The following PIGK variants were observed in gnomAD, a reference collection of about 807,000 sequenced individuals.
PIGK encodes GPI-anchor transamidase.
A neutral mutation model predicts 50.6 loss-of-function variants in PIGK; 42 were observed. That is an observed-to-expected ratio of 0.83 (90% confidence interval 0.65 to 1.07). The LOEUF is 1.07. Ranked by LOEUF, PIGK falls within the 50% of genes least tolerant of loss-of-function variation. The probability of loss-of-function intolerance (pLI) is 0.00; values close to 1 mark genes in which losing one functional copy is unlikely to be tolerated. For missense variants in PIGK, 448 were observed against 488.7 expected (o/e 0.92, Z 0.78); for synonymous variants, 151 against 156.0 (o/e 0.97, Z 0.24).
At chr1:77,210,367 T>G in intron 2 of PIGK, 69 bp downstream of exon 2, 2 of 865,384 alleles carry the variant, frequency 2.3e-6, no homozygotes, top group Non-Finnish European at 3.5e-6. Context: ...TTCAAAAATT[T>G]GATTCACACA....
chr1:77,144,117 T>G (rs1654714731), intron 9 of PIGK, among the ~76,000 whole-genome samples: 1 of 152,044 alleles, frequency 6.6e-6, no homozygotes. Context: ...AGCTTATTGA[T>G]TCCAATGACT....
At position 77,129,020 on chromosome 1, in the gene PIGK, T is replaced by G. The variant is rs1654293589; in HGVS notation, c.987-6661A>C. 1.1e-5 allele frequency: 8 copies of G among 735,554 alleles called. No homozygotes were observed. The South Asian group carries it at 1.2e-4, about 11-fold the overall frequency. 45.6% of individuals were successfully genotyped at this position (735,554 alleles called of 1,614,324 possible). ...TGCACTATAACAGCAGAGCTGCATA[T>G]TTACAACTGAGACCATATGGCCTAT... On this transcript the variant is annotated intron_variant, in intron 9 of 10. Transcript: ENST00000370812.
At chr1:77,161,524 C>A in intron 7 of PIGK, 70 bp downstream of exon 7, 1 of 953,528 alleles carries the variant, frequency 1.0e-6, no homozygotes, top group Non-Finnish European at 1.7e-6. Flanking sequence ...ATTCATAAAG[C>A]ATTTAATTGG....
At chr1:77,112,416 T>C (rs12093471) in intron 10 of PIGK, among the ~76,000 whole-genome samples, 100,237 of 151,630 alleles carry the variant, frequency 0.66, 33,828 homozygotes, top group African/African-American at 0.81. Flanking sequence ...GTTTCTGTAT[T>C]TATATGAGAA....
intron 10 of PIGK, among the ~76,000 whole-genome samples, chr1:77,092,931 A>G (rs905817602): frequency 5.9e-5 from 9 of 152,090 alleles, no homozygotes; most frequent in African/African-American, 2.2e-4. Context: ...AGGCATTCAT[A>G]TATCATAGTG....
At chr1:77,178,072 A>AG (rs1228408671) in intron 3 of PIGK, among the ~76,000 whole-genome samples, 1 of 152,212 alleles carries the variant, frequency 6.6e-6, no homozygotes, top group Non-Finnish European at 1.5e-5. Context: ...AGAAATAAAA[A>AG]GGGGGTCTCT....
At chr1:77,148,489 T>G (rs1408740257) in intron 9 of PIGK, among the ~76,000 whole-genome samples, 1 of 152,196 alleles carries the variant, frequency 6.6e-6, no homozygotes, top group Non-Finnish European at 1.5e-5. Flanking sequence ...TGACAATTTT[T>G]GCTACTGTGC....
intron 3 of PIGK, among the ~76,000 whole-genome samples, chr1:77,205,555 A>G (rs1252645332): frequency 2.0e-5 from 3 of 152,080 alleles, no homozygotes; most frequent in African/African-American, 7.2e-5. Flanking sequence ...TTTTACTGGA[A>G]GTACTTGAAT....
chr1:77,138,946 A>G (rs983156926), intron 9 of PIGK, among the ~76,000 whole-genome samples: 1 of 151,664 alleles, frequency 6.6e-6, no homozygotes, highest in Non-Finnish European at 1.5e-5. Flanking sequence ...AGCCTCTTTT[A>G]CCCCCATATC....
intron 10 of PIGK, among the ~76,000 whole-genome samples, 190 bp from the exon 11 acceptor site, chr1:77,092,680 C>G (rs972879746): frequency 6.6e-6 from 1 of 152,106 alleles, no homozygotes; most frequent in African/African-American, 2.4e-5. Flanking sequence ...ACAGGGTAAA[C>G]TGGCTCCTAA....
At chr1:77,138,873 G>A (rs1301640318) in intron 9 of PIGK, among the ~76,000 whole-genome samples, 1 of 151,888 alleles carries the variant, frequency 6.6e-6, no homozygotes, top group African/African-American at 2.4e-5. Flanking sequence ...TAAATTTCTT[G>A]GGCCAAGAAG....
Position 77,096,892 on chromosome 1 carries a change from T to G in PIGK, c.1072-4402A>C, listed in dbSNP as rs1175935455. Among the ~76,000 whole-genome samples the G allele has an allele frequency of 2.6e-3, 385 of 146,976 alleles. 2 individuals are homozygous for G. Among genetic ancestry groups the G allele is most frequent in the African/African-American group, 8.7e-3 (341 of 39,364 alleles). On this transcript the variant is annotated intron_variant, in intron 10 of 10. Transcript: ENST00000370812. ...AGCTTCGGGTTTTTCTTTTTTTTTT[T>G]TTTTTGTTTTTTTGTTTTTTTGTTT...
chr1:77,152,429 C>T (rs1042218662), intron 9 of PIGK, among the ~76,000 whole-genome samples: 1 of 151,954 alleles, frequency 6.6e-6, no homozygotes, highest in African/African-American at 2.4e-5. Context: ...TGTTCCAGGA[C>T]ATTATTCTGG....
intron 3 of PIGK, among the ~76,000 whole-genome samples, chr1:77,187,634 T>C (rs769771466): frequency 2.1e-4 from 32 of 152,132 alleles, no homozygotes; most frequent in Non-Finnish European, 3.8e-4. Context: ...TAAGGAAGAA[T>C]ATGCATGGAA....
At chr1:77,139,649 C>G (rs1326747988) in intron 9 of PIGK, among the ~76,000 whole-genome samples, 6 of 152,162 alleles carry the variant, frequency 3.9e-5, no homozygotes, top group African/African-American at 1.4e-4. Flanking sequence ...TGAGGGGGTG[C>G]CACCAGCTCT....
At chr1:77,204,033 G>C (rs1348928915) in intron 3 of PIGK, among the ~76,000 whole-genome samples, 1 of 152,144 alleles carries the variant, frequency 6.6e-6, no homozygotes, top group East Asian at 1.9e-4. Flanking sequence ...CGATTTTCAG[G>C]GAAGAAGGGA....
At position 77,210,635 on chromosome 1, in the gene PIGK, T is replaced by G; in HGVS notation, c.94-146A>C. 3 of 552,136 alleles carry G rather than the reference T, an allele frequency of 5.4e-6. No homozygotes were observed. The East Asian group carries it at 9.4e-5, about 17-fold the overall frequency. The allele number at this position is 552,136 out of a possible 1,614,324, so 34.2% of individuals were successfully genotyped here. On this transcript the variant is annotated intron_variant, in intron 1 of 10. Transcript: ENST00000370812. The stretch of plus-strand genomic sequence containing the variant: ...ATGAAGATTCCAGTATTTGTCATTA[T>G]GGACTACACAAAGAATCAAAAGAGC...
chr1:77,132,482 A>G (rs1654399708), intron 9 of PIGK, among the ~76,000 whole-genome samples: 1 of 152,032 alleles, frequency 6.6e-6, no homozygotes, highest in Non-Finnish European at 1.5e-5. Context: ...CTTCAATAAT[A>G]GTAGTACCTT....
rs1406460935 is a variant in PIGK, at chr1:77,089,162, G to A, written c.*3212C>T. 1 of 152,192 alleles carries A rather than the reference G, an allele frequency of 6.6e-6. No individual in the cohort carries two copies. Among genetic ancestry groups the A allele is most frequent in the African/African-American group, 2.4e-5 (1 of 41,458 alleles). The allele number at this position is 152,192 out of a possible 1,614,324, so 9.4% of individuals were successfully genotyped here. A position where few individuals can be genotyped will look rare whatever the true frequency, so the allele number is the denominator to read the frequency against. ...AAAATAAAAGCCTGGTTACCACCAA[G>A]GTGTATTGTCCATGAATTGAAAGGC... On this transcript the variant is annotated 3_prime_UTR_variant, in exon 11 of 11. Coordinates refer to ENST00000370812, the MANE Select transcript of PIGK (RefSeq NM_005482.3).
Sources: allele counts gnomAD v4.1 joint callset (sites outside exome capture counted in the v4.1 genomes callset), GRCh38; gene constraint gnomAD v4.1.1; transcripts MANE v1.5; gene names NCBI Gene and HGNC (gene_info 2026-07-23, HGNC 2026-07-21).